FRMD4B: variants seen among roughly 807,000 people sequenced by gnomAD.
The protein encoded by FRMD4B is FERM domain containing 4B.
FRMD4B carries 74 observed loss-of-function variants against 141.5 expected under a neutral mutation model. The ratio of observed to expected loss-of-function variants is 0.52; its 90% CI spans 0.43 to 0.63. The LOEUF (loss-of-function observed/expected upper bound fraction) is 0.63, where lower values mean the gene tolerates loss of function less well. Among genes scored for constraint, FRMD4B ranks in the 30% least tolerant of loss-of-function variants. The pLI is 0.00. For missense variants in FRMD4B, 1,366 were observed against 1,253.4 expected, an observed-to-expected ratio of 1.09 and a Z score of -1.36; for synonymous variants, 506 against 467.9, an observed-to-expected ratio of 1.08 and a Z score of -1.05.
chr3:69,480,339 T>C (rs1706097935), intron 1 of FRMD4B, among the ~76,000 whole-genome samples: 1 of 152,204 alleles, frequency 6.6e-6, no homozygotes, highest in African/African-American at 2.4e-5. Context: ...TTTGTGGTTT[T>C]ATCTACTTTT....
rs1704244492 is a variant in FRMD4B, at chr3:69,386,010, C to G, written c.-21G>C. 17 of 1,546,924 alleles carry G rather than the reference C, an allele frequency of 1.1e-5. No individual in the cohort carries two copies. The highest frequency in any genetic ancestry group is 1.8e-5 in the Admixed American group (1 of 54,486). ...GCCATGCCTCCTCCTTCGCTCTGAA[C>G]CCGGGCGTCCCGGCTCTCGTACGTG... is the stretch of plus-strand genomic sequence containing the variant. On this transcript the variant is annotated 5_prime_UTR_variant, in exon 1 of 23. Transcript: ENST00000398540.
chr3:69,196,680 C>T (rs549019983), intron 13 of FRMD4B: 61 of 576,926 alleles, frequency 1.1e-4, no homozygotes, highest in African/African-American at 9.1e-4. Context: ...TATATACAAA[C>T]GTGCATGCCA....
chr3:69,220,809 G>T (rs947815963), intron 9 of FRMD4B, among the ~76,000 whole-genome samples: 5 of 152,128 alleles, frequency 3.3e-5, no homozygotes, highest in African/African-American at 4.8e-5. Context: ...AGATGAGATT[G>T]CATCACGGCA....
At position 69,435,338 on chromosome 3, in the gene FRMD4B, G is replaced by C. The variant is rs367927119; in HGVS notation, c.-128-2577C>G. Among the ~76,000 whole-genome samples, 8 of 151,606 alleles carry C rather than the reference G, an allele frequency of 5.3e-5. No homozygotes were observed. In the East Asian group the frequency reaches 9.7e-4, roughly 18 times the overall value. On this transcript the variant is annotated intron_variant, in intron 1 of 5. Transcript: ENST00000459638. ...TTGAATTCAAGTTCAGGAATCTAAG[G>C]GTTTACTATAGGTTTTAGGTTAAAA...
chr3:69,259,828 G>T (rs1460748388), intron 5 of FRMD4B, among the ~76,000 whole-genome samples: 2 of 152,134 alleles, frequency 1.3e-5, no homozygotes, highest in African/African-American at 4.8e-5. Context: ...TAGAAATGGG[G>T]TCACCCAGGC....
At chr3:69,541,232 C>A (rs139974705) in intron 1 of FRMD4B, 1 of 152,340 alleles carries the variant, frequency 6.6e-6, no homozygotes, top group East Asian at 1.9e-4. Flanking sequence ...CCGAAAGGCC[C>A]AGCCTCTAGT....
At chr3:69,536,391 A>G in intron 1 of FRMD4B, 1 of 713,782 alleles carries the variant, frequency 1.4e-6, no homozygotes, top group Non-Finnish European at 2.6e-6. Context: ...GGCACATGCC[A>G]GTGGCCAGCG....
Position 69,198,977 on chromosome 3 carries a change from A to AAT in FRMD4B, c.877-204_877-203insAT. On this transcript the variant is annotated intron_variant, in intron 11 of 22. Coordinates refer to ENST00000398540, the MANE Select transcript of FRMD4B (RefSeq NM_015123.3). ...CTTCTGGCAGCAATCTTTAACTATT[A>AAT]AGATTCACCTCGGCCGGGCGCGGTG... is the stretch of plus-strand genomic sequence containing the variant. 5.4e-6 allele frequency: 3 copies of AAT among 554,676 alleles called. No homozygotes were observed. In the South Asian group the frequency reaches 6.6e-5, roughly 12 times the overall value. 34.4% of individuals were successfully genotyped at this position (554,676 alleles called of 1,614,324 possible).
In FRMD4B at chr3:69,536,232, C is replaced by T. The variant is rs563427845; in HGVS notation, c.-129+5974G>A. 98 of 601,508 alleles carry T rather than the reference C, an allele frequency of 1.6e-4. 2 individuals carry two copies. The highest frequency in any genetic ancestry group is 1.6e-3 in the Middle Eastern group (6 of 3,726). 37.3% of individuals were successfully genotyped at this position (601,508 alleles called of 1,614,324 possible). A position where few individuals can be genotyped will look rare whatever the true frequency, so the allele number is the denominator to read the frequency against. ...TCCTTGGCCTCACTTGGTTTCTTGG[C>T]GTCCTTCCCCTTGGCCTTTTCCGCT... On this transcript the variant is annotated intron_variant, in intron 1 of 5. Transcript: ENST00000459638.
At chr3:69,204,944 G>C (rs1236421886) in intron 11 of FRMD4B, among the ~76,000 whole-genome samples, 3 of 151,028 alleles carry the variant, frequency 2.0e-5, no homozygotes, top group Non-Finnish European at 2.9e-5. Context: ...AATAGGGGCA[G>C]ATATTGATAC....
intron 1 of FRMD4B, among the ~76,000 whole-genome samples, chr3:69,384,736 G>A (rs547041640): frequency 2.0e-5 from 3 of 152,298 alleles, no homozygotes; most frequent in Admixed American, 6.5e-5. Context: ...ACAAGGGGAC[G>A]CTGACTCTTT....
intron 1 of FRMD4B, among the ~76,000 whole-genome samples, chr3:69,433,497 G>A (rs1020787719): frequency 6.6e-6 from 1 of 152,092 alleles, no homozygotes; most frequent in African/African-American, 2.4e-5. Flanking sequence ...ACTCTCTGTG[G>A]CACCATCCGC....
intron 1 of FRMD4B, among the ~76,000 whole-genome samples, chr3:69,374,684 G>T (rs1295313028): frequency 6.6e-6 from 1 of 152,202 alleles, no homozygotes; most frequent in Non-Finnish European, 1.5e-5. Flanking sequence ...GCAACTAAAA[G>T]TTGTAAGCAT....
chr3:69,374,640 T>C (rs766062092), intron 1 of FRMD4B, among the ~76,000 whole-genome samples: 11 of 152,124 alleles, frequency 7.2e-5, no homozygotes, highest in Non-Finnish European at 1.5e-4. Context: ...AGGAAGAAAA[T>C]TTAACAATTT....
At chr3:69,311,424 T>C in intron 2 of FRMD4B, 67 bp from the exon 3 acceptor site, 1 of 708,382 alleles carries the variant, frequency 1.4e-6, no homozygotes, top group Non-Finnish European at 2.5e-6. Context: ...CACCTTCCTC[T>C]GCCCTAAATA....
chr3:69,176,376 T>G, intron 22 of FRMD4B, 148 bp downstream of exon 22: 1 of 667,818 alleles, frequency 1.5e-6, no homozygotes, highest in East Asian at 2.5e-5. Flanking sequence ...TGAAACTTTA[T>G]TTACCAAAAC....
chr3:69,442,674 G>A (rs145497621), intron 1 of FRMD4B, among the ~76,000 whole-genome samples: 15 of 152,272 alleles, frequency 9.9e-5, no homozygotes, highest in East Asian at 5.8e-4. Flanking sequence ...GGAGCCATAC[G>A]TGCACCCACT....
chr3:69,313,572 T>A, intron 1 of FRMD4B, 55 bp from the exon 2 acceptor site: 1 of 1,028,078 alleles, frequency 9.7e-7, no homozygotes, highest in Non-Finnish European at 1.5e-6. Flanking sequence ...CAAGCAAACC[T>A]TTGGACTCGT....
intron 1 of FRMD4B, among the ~76,000 whole-genome samples, chr3:69,486,452 A>G (rs923013085): frequency 3.3e-5 from 5 of 152,124 alleles, no homozygotes; most frequent in Admixed American, 6.5e-5. Flanking sequence ...TCCCAAAGAC[A>G]TTTTTTATAA....
Sources: gnomAD v4.1 joint callset for allele counts (sites outside exome capture counted in the v4.1 genomes callset) on GRCh38, gnomAD v4.1.1 for gene constraint, MANE v1.5 for transcripts, NCBI Gene and HGNC (gene_info 2026-07-23, HGNC 2026-07-21) for gene names.